Variants in PAK5 observed in about 807,000 individuals in gnomAD.
PAK5 encodes p21 (RAC1) activated kinase 5.
Under a neutral mutation model 65.9 loss-of-function variants are expected in PAK5, and 16 were observed. The ratio of observed to expected loss-of-function variants is 0.24; its 90% CI spans 0.16 to 0.37. The LOEUF is 0.37. PAK5 is among the 10% of genes least tolerant of loss of function. PAK5 has a pLI of 1.00. For missense variants in PAK5, 785 were observed against 903.9 expected, an observed-to-expected ratio of 0.87 and a Z score of 1.69; for synonymous variants, 371 against 354.9, an observed-to-expected ratio of 1.05 and a Z score of -0.51.
intron 8 of PAK5, 43 bp from the exon 9 acceptor site, chr20:9,542,763 T>A: frequency 6.3e-7 from 1 of 1,588,372 alleles, no homozygotes. Flanking sequence ...AAGGAGAACA[T>A]TCTGAAATGT....
intron 1 of PAK5, among the ~76,000 whole-genome samples, chr20:9,727,881 A>C (rs2048293858): frequency 6.6e-6 from 1 of 152,034 alleles, no homozygotes; most frequent in Admixed American, 6.6e-5. Context: ...GGCAACACAA[A>C]AATTCTGAGC....
intron 4 of PAK5, among the ~76,000 whole-genome samples, chr20:9,570,541 G>C (rs977464643): frequency 6.6e-6 from 1 of 152,166 alleles, no homozygotes; most frequent in Admixed American, 6.5e-5. Flanking sequence ...AATGGGGAGA[G>C]AGAAGTGTCA....
intron 1 of PAK5, among the ~76,000 whole-genome samples, chr20:9,808,231 T>C (rs1426081542): frequency 6.6e-6 from 1 of 152,120 alleles, no homozygotes; most frequent in South Asian, 2.1e-4. Flanking sequence ...TTTGAAAGAA[T>C]ACATAACATT....
Position 9,745,584 on chromosome 20 carries a change from T to C in PAK5, c.-161-34149A>G, listed in dbSNP as rs200086036. ...GCAATATTCTGGGTACTCTATATTA[T>C]TTTCATGCGTTGATCTTACACTTCT... is the stretch of plus-strand genomic sequence containing the variant. On this transcript the variant is annotated intron_variant, in intron 1 of 9. Coordinates refer to ENST00000353224, the MANE Select transcript of PAK5 (RefSeq NM_177990.4). Among the ~76,000 whole-genome samples, 11 of 152,266 alleles carry C rather than the reference T, an allele frequency of 7.2e-5. No individual in the cohort carries two copies. In the East Asian group the frequency reaches 2.1e-3, roughly 29 times the overall value.
At chr20:9,708,922 C>G (rs2048042864) in intron 2 of PAK5, among the ~76,000 whole-genome samples, 1 of 78,018 alleles carries the variant, frequency 1.3e-5, no homozygotes. Context: ...CCTTTTCTGT[C>G]TTCCTTCCTT....
At chr20:9,821,716 A>T (rs903276705) in intron 1 of PAK5, among the ~76,000 whole-genome samples, 1 of 152,200 alleles carries the variant, frequency 6.6e-6, no homozygotes. Flanking sequence ...ATTCACTGAC[A>T]TTTACTGTTT....
chr20:9,646,891 G>T (rs2047141953), intron 2 of PAK5, among the ~76,000 whole-genome samples: 1 of 152,352 alleles, frequency 6.6e-6, no homozygotes, highest in East Asian at 1.9e-4. Context: ...AAGCAGAGCT[G>T]CCCAGCTGAC....
At chr20:9,631,253 GC>G (rs1327068483) in intron 3 of PAK5, among the ~76,000 whole-genome samples, 1 of 152,092 alleles carries the variant, frequency 6.6e-6, no homozygotes, top group African/African-American at 2.4e-5. Context: ...AGGATCTGTG[GC>G]TTGCTTCTAA....
chr20:9,588,066 C>T (rs980644710), intron 3 of PAK5, among the ~76,000 whole-genome samples: 6 of 152,118 alleles, frequency 3.9e-5, no homozygotes, highest in East Asian at 3.8e-4. Context: ...TTAACCAAAA[C>T]GATGACTTCC....
In PAK5 at chr20:9,682,702, G is replaced by T. The variant is rs148631039; in HGVS notation, c.-12+28584C>A. 4.6e-3 allele frequency among the ~76,000 whole-genome samples: 694 copies of T among 152,242 alleles called. 5 individuals are homozygous for T. The highest frequency in any genetic ancestry group is 0.014 in the African/African-American group (570 of 41,528). On this transcript the variant is annotated intron_variant, in intron 2 of 9. Coordinates refer to ENST00000353224, the MANE Select transcript of PAK5 (RefSeq NM_177990.4). Reference sequence around the variant, plus strand: ...ATCTGTGCCACTTTATGTTCTTGAGGTTCTTTATGTTCTTACACAAGTTCT... The same window carrying T: ...ATCTGTGCCACTTTATGTTCTTGAGTTTCTTTATGTTCTTACACAAGTTCT...
At position 9,678,033 on chromosome 20, in the gene PAK5, A is replaced by T. The variant is rs1263413729; in HGVS notation, c.-12+33253T>A. On this transcript the variant is annotated intron_variant, in intron 2 of 9. Coordinates refer to ENST00000353224, the MANE Select transcript of PAK5 (RefSeq NM_177990.4). ...TCATCAGATTGCCATCCCATGGCAC[A>T]AGCAAATGTCAAGATCCTGTCTCTA... is the stretch of plus-strand genomic sequence containing the variant. Among the ~76,000 whole-genome samples, 8 of 149,622 alleles carry T rather than the reference A, an allele frequency of 5.3e-5. No individual in the cohort carries two copies. The Admixed American group carries it at 5.4e-4, about 10-fold the overall frequency.
chr20:9,767,800 T>C (rs1428567323), intron 1 of PAK5, among the ~76,000 whole-genome samples: 3 of 152,170 alleles, frequency 2.0e-5, no homozygotes, highest in African/African-American at 7.2e-5. Flanking sequence ...GGATATTTTT[T>C]CAACTAGTTT....
intron 1 of PAK5, among the ~76,000 whole-genome samples, chr20:9,804,217 T>C (rs1366462377): frequency 1.3e-5 from 2 of 152,218 alleles, no homozygotes; most frequent in East Asian, 3.9e-4. Context: ...TCATAGTTTC[T>C]CAACATTGAC....
intron 1 of PAK5, among the ~76,000 whole-genome samples, chr20:9,767,905 A>G (rs1242368317): frequency 3.3e-5 from 5 of 152,204 alleles, no homozygotes; most frequent in Non-Finnish European, 2.9e-5. Context: ...CATCTGCACC[A>G]GGGAATACTA....
intron 2 of PAK5, among the ~76,000 whole-genome samples, chr20:9,647,903 C>G (rs1444228246): frequency 1.3e-5 from 2 of 152,186 alleles, no homozygotes; most frequent in Non-Finnish European, 2.9e-5. Context: ...GGAGGAGGCC[C>G]ACACTCAGCT....
intron 6 of PAK5, among the ~76,000 whole-genome samples, chr20:9,560,882 G>T (rs956965905): frequency 7.2e-5 from 11 of 152,236 alleles, no homozygotes; most frequent in African/African-American, 2.6e-4. Flanking sequence ...GTATGTATAA[G>T]AAATACCTGA....
intron 1 of PAK5, among the ~76,000 whole-genome samples, chr20:9,761,606 A>C (rs564060154): frequency 6.6e-6 from 1 of 152,300 alleles, no homozygotes; most frequent in South Asian, 2.1e-4. Flanking sequence ...GAGCAAGAAC[A>C]AGAAGGCTGG....
At chr20:9,636,775 C>A (rs139945350) in intron 3 of PAK5, among the ~76,000 whole-genome samples, 3,603 of 152,172 alleles carry the variant, frequency 0.024, 80 homozygotes, top group Non-Finnish European at 0.035. Flanking sequence ...TGCTGGCCAA[C>A]TAGAAAAGAC....
intron 2 of PAK5, among the ~76,000 whole-genome samples, chr20:9,695,676 T>C (rs1041955293): frequency 2.6e-5 from 4 of 152,042 alleles, no homozygotes; most frequent in Non-Finnish European, 4.4e-5. Context: ...ATTGAAGGAA[T>C]CTTCCAGTGA....
Sources: gnomAD v4.1 joint callset for allele counts (sites outside exome capture counted in the v4.1 genomes callset) on GRCh38, gnomAD v4.1.1 for gene constraint, MANE v1.5 for transcripts, NCBI Gene and HGNC (gene_info 2026-07-23, HGNC 2026-07-21) for gene names.